Variants in MROH7 observed in about 807,000 individuals in gnomAD.
The protein encoded by MROH7 is maestro heat like repeat family member 7.
MROH7 carries 113 observed loss-of-function variants against 129.2 expected under a neutral mutation model. That is an observed-to-expected ratio of 0.87 (90% CI 0.75 to 1.02). The LOEUF is 1.02. Among genes scored for constraint, MROH7 ranks in the 50% least tolerant of loss-of-function variants. The pLI is 0.00. For missense variants in MROH7, 1,601 were observed against 1,671.3 expected (o/e 0.96, Z 0.73); for synonymous variants, 655 against 667.9 (o/e 0.98, Z 0.30).
chr1:54,656,531 T>C (rs1357911605), intron 3 of MROH7, among the ~76,000 whole-genome samples: 6 of 144,744 alleles, frequency 4.1e-5, no homozygotes, highest in Middle Eastern at 3.5e-3. Flanking sequence ...AAAAAAAAGC[T>C]TTTTTTTCAG....
At chr1:54,673,283 T>C (rs1569913660) in intron 8 of MROH7, 97 bp downstream of exon 8, 1 of 910,254 alleles carries the variant, frequency 1.1e-6, no homozygotes, top group Non-Finnish European at 1.7e-6. Flanking sequence ...TAGGAGTGAT[T>C]TGGCTTCAGG....
At position 54,662,820 on chromosome 1, in the gene MROH7, C is replaced by T. The variant is rs531301696; in HGVS notation, c.1232-2347C>T. Among the ~76,000 whole-genome samples, 6 of 152,330 alleles carry T rather than the reference C, an allele frequency of 3.9e-5. No individual in the cohort carries two copies. The South Asian group carries it at 6.2e-4, about 16-fold the overall frequency. ...GTACGTTTTTTCTAGTCTGATCTGTCTCCTGCAGTCCTCAGCCTTTCTTTG... is the reference window on the plus strand; with the variant it reads ...GTACGTTTTTTCTAGTCTGATCTGTTTCCTGCAGTCCTCAGCCTTTCTTTG... On this transcript the variant is annotated intron_variant, in intron 3 of 23. Transcript: ENST00000421030.
intron 4 of MROH7, 117 bp from the exon 5 acceptor site, chr1:54,668,737 C>T (rs1017604749): frequency 2.8e-6 from 2 of 707,416 alleles, no homozygotes; most frequent in African/African-American, 3.6e-5. Flanking sequence ...ATTTCTCTTG[C>T]ACCAATGCTG....
intron 4 of MROH7, among the ~76,000 whole-genome samples, chr1:54,668,104 G>C (rs1644840303): frequency 1.3e-5 from 2 of 152,200 alleles, no homozygotes; most frequent in Admixed American, 1.3e-4. Flanking sequence ...TGTAATCATT[G>C]TCTTTTAGCC....
Position 54,674,169 on chromosome 1 carries a change from A to G in MROH7, c.1936+18A>G, listed in dbSNP as rs751181053. The G allele has an allele frequency of 2.7e-5, 44 of 1,606,100 alleles. No homozygotes were observed. The highest frequency in any genetic ancestry group is 3.1e-5 in the Non-Finnish European group (37 of 1,176,778). On this transcript the variant is annotated intron_variant, in intron 10 of 23. Transcript: ENST00000421030. ...CCAAAAACGTAAGCCCTATCGGAGT[A>G]CTTCTGAAGGAAGTCTTCTGAGTTG...
Position 54,670,823 on chromosome 1 carries a change from T to TGCGGGAGAGGTCGGAGCTGGTGAAC in MROH7, c.1495_1519dup (p.Val507AlafsTer32), listed in dbSNP as rs1258949760. 3.7e-6 allele frequency: 6 copies of TGCGGGAGAGGTCGGAGCTGGTGAAC among 1,613,946 alleles called. No homozygotes were observed. The South Asian group carries it at 6.6e-5, about 18-fold the overall frequency. On this transcript the variant is annotated frameshift_variant, in exon 7 of 24. Transcript: ENST00000421030. LOFTEE classifies it high-confidence loss of function. ...AGCCACACCCAGCCCACCCTGGGCA[T>TGCGGGAGAGGTCGGAGCTGGTGAAC]GCGGGAGAGGTCGGAGCTGGTGAAC...
intron 23 of MROH7, among the ~76,000 whole-genome samples, chr1:54,709,463 C>T (rs1413670326): frequency 6.6e-6 from 1 of 152,178 alleles, no homozygotes; most frequent in Admixed American, 6.5e-5. Context: ...AGTGATCCGC[C>T]CGCTTCTGCC....
chr1:54,644,876 C>T (rs1644441147), intron 1 of MROH7, among the ~76,000 whole-genome samples: 1 of 150,040 alleles, frequency 6.7e-6, no homozygotes, highest in Non-Finnish European at 1.5e-5. Flanking sequence ...GTGGTGCAAT[C>T]TCAGCTCACT....
rs148550771 is a variant in MROH7, at chr1:54,679,946, G to A, written c.2282G>A (p.Arg761Gln). 2.1e-4 allele frequency: 334 copies of A among 1,613,768 alleles called. 1 individual carries two copies. The African/African-American group carries it at 3.5e-3, about 17-fold the overall frequency. ...CAGCTGAGCCACATCCAGGAGCCTCGGGCCCGCCAGGTGGCCCTGCTGCCC... is the reference window on the plus strand; with the variant it reads ...CAGCTGAGCCACATCCAGGAGCCTCAGGCCCGCCAGGTGGCCCTGCTGCCC... ...YMQLSHIQEP[R>Q]ARQVALLPVS... The change falls in exon 13 of 24, where the codon CGG becomes CAG. Residue 761 changes from arginine to glutamine, a missense_variant. By Grantham distance (43) the Arg-to-Gln change is conservative (BLOSUM62 1). Transcript: ENST00000421030.
chr1:54,671,315 G>T (rs1391667760), intron 7 of MROH7, among the ~76,000 whole-genome samples: 1 of 152,208 alleles, frequency 6.6e-6, no homozygotes, highest in Non-Finnish European at 1.5e-5. Context: ...CATGAGAATG[G>T]CTGGAACCCG....
At position 54,653,604 on chromosome 1, in the gene MROH7, C is replaced by T; in HGVS notation, c.678C>T (p.Ser226=). Residue 226 remains serine, a synonymous_variant, in exon 3 of 24, where the codon TCC becomes TCT. Transcript: ENST00000421030. The part of the protein sequence containing the change: ...PLLNMGSRNT[S]KLNLNVAPDS... ...TCAACATGGGCTCAAGAAACACCTC[C>T]AAGCTGAACCTGAATGTAGCTCCAG... The T allele has an allele frequency of 6.2e-7, 1 of 1,614,166 alleles. No homozygotes were observed. Among genetic ancestry groups the T allele is most frequent in the Non-Finnish European group, 8.5e-7 (1 of 1,180,038 alleles).
At chr1:54,684,346 C>T (rs1471853216) in intron 14 of MROH7, among the ~76,000 whole-genome samples, 3 of 152,170 alleles carry the variant, frequency 2.0e-5, no homozygotes, top group African/African-American at 2.4e-5. Context: ...CCAAATCCTG[C>T]GCTTCACTCC....
chr1:54,680,958 T>C (rs1352962964), intron 13 of MROH7, among the ~76,000 whole-genome samples: 3 of 152,078 alleles, frequency 2.0e-5, no homozygotes, highest in African/African-American at 7.2e-5. Context: ...GTTTTTTTTT[T>C]CTTGGGTCCA....
At chr1:54,691,990 C>T (rs1645248095) in intron 15 of MROH7, among the ~76,000 whole-genome samples, 1 of 151,738 alleles carries the variant, frequency 6.6e-6, no homozygotes, top group Non-Finnish European at 1.5e-5. Context: ...AAGCACTGGC[C>T]AGAGCCCCAG....
At chr1:54,663,316 C>T (rs1224725772) in intron 3 of MROH7, among the ~76,000 whole-genome samples, 1 of 152,042 alleles carries the variant, frequency 6.6e-6, no homozygotes. Flanking sequence ...TCAGTGGACT[C>T]CCCTTCAAGC....
chr1:54,657,364 T>C (rs1644665624), intron 3 of MROH7, among the ~76,000 whole-genome samples: 1 of 151,936 alleles, frequency 6.6e-6, no homozygotes, highest in Non-Finnish European at 1.5e-5. Context: ...CTTACCATCT[T>C]AAACATTTTT....
At chr1:54,677,267 C>T (rs1162993724) in intron 10 of MROH7, among the ~76,000 whole-genome samples, 5 of 152,172 alleles carry the variant, frequency 3.3e-5, no homozygotes, top group Non-Finnish European at 5.9e-5. Context: ...CGTGTGGTGG[C>T]GCATGCCTAT....
chr1:54,673,979 C>T lies in MROH7; in HGVS notation c.1801-37C>T, dbSNP rs563040279. The T allele has an allele frequency of 6.0e-5, 97 of 1,608,900 alleles. 1 individual carries two copies. The highest frequency in any genetic ancestry group is 8.0e-5 in the Non-Finnish European group (94 of 1,176,576). ...CATTTAATGTATAGCATTATTGAAC[C>T]TATAACACTCAATCCCTAAGATTGC... On this transcript the variant is annotated intron_variant, in intron 9 of 23. Coordinates refer to ENST00000421030, the MANE Select transcript of MROH7 (RefSeq NM_001039464.4).
At chr1:54,685,659 G>A (rs945992517) in intron 14 of MROH7, among the ~76,000 whole-genome samples, 1 of 152,190 alleles carries the variant, frequency 6.6e-6, no homozygotes, top group Non-Finnish European at 1.5e-5. Flanking sequence ...GCCCTTGGGG[G>A]CAGAGCTGGC....
Sources: gnomAD v4.1 joint callset for allele counts (sites outside exome capture counted in the v4.1 genomes callset) on GRCh38, gnomAD v4.1.1 for gene constraint, MANE v1.5 for transcripts, NCBI Gene and HGNC (gene_info 2026-07-23, HGNC 2026-07-21) for gene names.